RANBP2: variants seen among roughly 807,000 people sequenced by gnomAD.
RANBP2 encodes the protein E3 SUMO-protein ligase RanBP2.
In RANBP2, 57 loss-of-function variants were observed where a neutral mutation model predicts 303.6. The observed-to-expected ratio is 0.19, with a 90% CI of 0.15 to 0.23. The LOEUF (loss-of-function observed/expected upper bound fraction) is 0.23, where lower values mean the gene tolerates loss of function less well. RANBP2 is among the 10% of genes least tolerant of loss of function. The pLI is 1.00. For missense variants in RANBP2, 3,138 were observed against 3,780.8 expected, an observed-to-expected ratio of 0.83 and a Z score of 4.46; for synonymous variants, 1,167 against 1,301.5, an observed-to-expected ratio of 0.90 and a Z score of 2.23.
At chr2:108,970,030 C>T in the RANBP2 span, among the ~76,000 whole-genome samples, 13 of 152,324 alleles carry the variant, frequency 8.5e-5, no homozygotes, top group African/African-American at 2.9e-4. Flanking sequence ...ACGTCTGAGC[C>T]TTGGCTATCT....
At chr2:109,287,596 A>G in the RANBP2 span, among the ~76,000 whole-genome samples, 1 of 151,952 alleles carries the variant, frequency 6.6e-6, no homozygotes, top group Non-Finnish European at 1.5e-5. Context: ...TGCACTATAT[A>G]CCCAGGCGCA....
At chr2:109,748,981 CT>C in the RANBP2 span, among the ~76,000 whole-genome samples, 1 of 50,688 alleles carries the variant, frequency 2.0e-5, no homozygotes, top group African/African-American at 5.2e-5. Flanking sequence ...CATATACTGC[CT>C]GAAATATCCC....
chr2:109,164,767 C>T, the RANBP2 span, among the ~76,000 whole-genome samples: 33 of 152,310 alleles, frequency 2.2e-4, no homozygotes, highest in African/African-American at 7.2e-4. Context: ...ATTTAATAGT[C>T]AGCCCTGGCA....
At chr2:109,614,830 C>T in the RANBP2 span, 2 of 1,428,018 alleles carry the variant, frequency 1.4e-6, no homozygotes, top group Admixed American at 3.1e-5. Flanking sequence ...GGGCCCGAGG[C>T]GCGCGATCGG....
chr2:109,518,839 A>C, the RANBP2 span, among the ~76,000 whole-genome samples: 1 of 151,868 alleles, frequency 6.6e-6, no homozygotes, highest in Non-Finnish European at 1.5e-5. Context: ...CAGGAAACTT[A>C]CAATCGTGGC....
the RANBP2 span, among the ~76,000 whole-genome samples, chr2:109,573,508 G>C: frequency 6.6e-6 from 1 of 152,126 alleles, no homozygotes; most frequent in Non-Finnish European, 1.5e-5. Flanking sequence ...ATCAATTTTT[G>C]CTAAAACCAG....
the RANBP2 span, among the ~76,000 whole-genome samples, chr2:109,708,433 G>C: frequency 1.3e-5 from 2 of 151,758 alleles, no homozygotes; most frequent in African/African-American, 4.8e-5. Context: ...AGAGGTGGGC[G>C]AATCTCTTGA....
At chr2:109,372,064 A>G in the RANBP2 span, among the ~76,000 whole-genome samples, 1 of 152,208 alleles carries the variant, frequency 6.6e-6, no homozygotes, top group Admixed American at 6.5e-5. Context: ...ACCCGTCCCA[A>G]GGCAGCATTT....
At chr2:109,593,107 G>A in the RANBP2 span, 6 of 1,596,730 alleles carry the variant, frequency 3.8e-6, no homozygotes, top group Non-Finnish European at 4.3e-6. Context: ...GTTGCCATGT[G>A]AGACTGAAAG....
the RANBP2 span, among the ~76,000 whole-genome samples, chr2:109,081,671 G>A: frequency 6.6e-6 from 1 of 152,124 alleles, no homozygotes; most frequent in Non-Finnish European, 1.5e-5. Flanking sequence ...TGGTAACCTT[G>A]CCCATCCTGA....
the RANBP2 span, among the ~76,000 whole-genome samples, chr2:108,881,015 G>A: frequency 1.3e-5 from 2 of 152,224 alleles, no homozygotes. Flanking sequence ...GAATGACTTT[G>A]AGGGGTTTAA....
At chr2:109,250,089 C>T in the RANBP2 span, among the ~76,000 whole-genome samples, 1 of 145,154 alleles carries the variant, frequency 6.9e-6, no homozygotes, top group African/African-American at 2.7e-5. Flanking sequence ...AGTAGGTGTT[C>T]CTTTTTTTTT....
At chr2:109,675,682 C>CA in the RANBP2 span, among the ~76,000 whole-genome samples, 44 of 151,004 alleles carry the variant, frequency 2.9e-4, no homozygotes, top group African/African-American at 7.8e-4. Flanking sequence ...AACTCTGTCT[C>CA]AAAAAATAAG....
the RANBP2 span, among the ~76,000 whole-genome samples, chr2:108,824,561 GC>G: frequency 6.6e-6 from 1 of 152,128 alleles, no homozygotes; most frequent in African/African-American, 2.4e-5. Flanking sequence ...TGGAAGACCT[GC>G]TGAAGGACCT....
chr2:109,066,799 G>T, the RANBP2 span, among the ~76,000 whole-genome samples: 1 of 152,102 alleles, frequency 6.6e-6, no homozygotes, highest in African/African-American at 2.4e-5. Context: ...GATTATGACA[G>T]AGCCGAGCGG....
the RANBP2 span, among the ~76,000 whole-genome samples, chr2:109,421,160 G>A: frequency 6.6e-6 from 1 of 152,208 alleles, no homozygotes; most frequent in Non-Finnish European, 1.5e-5. Flanking sequence ...ATTGGATGCA[G>A]GATGCTATCT....
At chr2:109,125,257 T>C in the RANBP2 span, among the ~76,000 whole-genome samples, 1 of 152,148 alleles carries the variant, frequency 6.6e-6, no homozygotes, top group South Asian at 2.1e-4. Flanking sequence ...AGGGGCAGCT[T>C]TTGACTAGCT....
chr2:108,833,633 A>C, the RANBP2 span, among the ~76,000 whole-genome samples: 2 of 152,224 alleles, frequency 1.3e-5, no homozygotes, highest in African/African-American at 2.4e-5. Flanking sequence ...GCCAAAAAGC[A>C]AAGTGAAAGA....
At chr2:109,126,821 C>T in the RANBP2 span, among the ~76,000 whole-genome samples, 1 of 152,316 alleles carries the variant, frequency 6.6e-6, no homozygotes, top group East Asian at 1.9e-4. Flanking sequence ...GTTTCTGTTG[C>T]TTGCAACCAA....
Sources: allele counts gnomAD v4.1 joint callset (sites outside exome capture counted in the v4.1 genomes callset), GRCh38; gene constraint gnomAD v4.1.1; transcripts MANE v1.5; gene names NCBI Gene and HGNC (gene_info 2026-07-23, HGNC 2026-07-21).